Variants in MSN observed in about 807,000 individuals in gnomAD.
MSN encodes epididymis luminal protein 70.
In MSN, 2 loss-of-function variants were observed where a neutral mutation model predicts 48.0. The ratio of observed to expected loss-of-function variants is 0.04; its 90% confidence interval spans 0.02 to 0.13. MSN has a LOEUF of 0.13. Among genes scored for constraint, MSN ranks in the 10% least tolerant of loss-of-function variants. The pLI is 1.00. For synonymous variants in MSN, 146 were observed against 166.9 expected (o/e 0.87, Z 0.97); for missense variants, 267 against 470.1 (o/e 0.57, Z 3.99).
chrX:65,673,233 C>G (rs905209627), intron 1 of MSN, among the ~76,000 whole-genome samples: 1 of 111,648 alleles, frequency 9.0e-6, no homozygotes, highest in Non-Finnish European at 1.9e-5. Context: ...TGCCATTCTT[C>G]CCACATTTTT....
chrX:65,625,607 T>C (rs1269658670), intron 1 of MSN: 5 of 112,209 alleles, frequency 4.5e-5, no homozygotes, highest in South Asian at 3.6e-4. Context: ...ACTATTTGCA[T>C]GGAATGCTTT....
intron 1 of MSN, among the ~76,000 whole-genome samples, chrX:65,673,200 A>C (rs1455100472): frequency 1.8e-5 from 2 of 111,800 alleles, no homozygotes; most frequent in Admixed American, 9.5e-5. Context: ...TTGGACAAAC[A>C]CTAAAAGCCT....
chrX:65,656,473 G>A (rs1287084929), intron 1 of MSN, among the ~76,000 whole-genome samples: 2 of 111,548 alleles, frequency 1.8e-5, no homozygotes, highest in Non-Finnish European at 3.8e-5. Context: ...CTGGAAATGA[G>A]CAGATCCCTC....
intron 1 of MSN, among the ~76,000 whole-genome samples, chrX:65,684,936 G>T (rs1436920812): frequency 1.8e-5 from 2 of 111,166 alleles, no homozygotes; most frequent in African/African-American, 6.6e-5. Context: ...CAGGGTACTA[G>T]CTATGTTGCC....
At chrX:65,675,930 G>A (rs1244854346) in intron 1 of MSN, among the ~76,000 whole-genome samples, 3 of 112,577 alleles carry the variant, frequency 2.7e-5, no homozygotes, top group African/African-American at 9.7e-5. Flanking sequence ...GAGCCACCAC[G>A]CCCAGCCTGG....
chrX:65,735,202 C>T, intron 7 of MSN, 65 bp from the exon 8 acceptor site: 1 of 1,148,329 alleles, frequency 8.7e-7, no homozygotes, highest in South Asian at 1.9e-5. Context: ...TTTAGCTTTT[C>T]AGAAGGCAGA....
At chrX:65,661,966 A>G (rs1200089338) in intron 1 of MSN, among the ~76,000 whole-genome samples, 2 of 112,519 alleles carry the variant, frequency 1.8e-5, no homozygotes, top group Non-Finnish European at 3.7e-5. Flanking sequence ...ATGAGCTGAG[A>G]TTGTGCCATT....
At chrX:65,680,086 G>T (rs2071039238) in intron 1 of MSN, among the ~76,000 whole-genome samples, 1 of 111,959 alleles carries the variant, frequency 8.9e-6, no homozygotes, top group Non-Finnish European at 1.9e-5. Context: ...GGATCAAAAT[G>T]GCTGTTGGTT....
At position 65,609,687 on chromosome X, in the gene MSN, T is replaced by C. The variant is rs757628145; in HGVS notation, c.-22+21075T>C. Reference sequence around the variant, plus strand: ...TAATGAGGTCAGGAGATCAAGACCATCCTGGCTAACACGGTGAAACCCCAT... The same window carrying C: ...TAATGAGGTCAGGAGATCAAGACCACCCTGGCTAACACGGTGAAACCCCAT... On this transcript the variant is annotated intron_variant, in intron 1 of 3. Coordinates refer to the MSN transcript ENST00000609672. 4.0e-4 allele frequency among the ~76,000 whole-genome samples: 45 copies of C among 111,463 alleles called. 1 individual carries two copies. Among genetic ancestry groups the C allele is most frequent in the Non-Finnish European group, 6.4e-4 (34 of 53,025 alleles).
At chrX:65,670,130 T>A (rs2070916247) in intron 1 of MSN, among the ~76,000 whole-genome samples, 1 of 112,072 alleles carries the variant, frequency 8.9e-6, no homozygotes, top group Non-Finnish European at 1.9e-5. Context: ...TTCGGTAGTG[T>A]CACCAGGTGC....
At position 65,618,936 on chromosome X, in the gene MSN, A is replaced by G. The variant is rs201493320; in HGVS notation, c.-22+30324A>G. 7.3e-4 allele frequency among the ~76,000 whole-genome samples: 79 copies of G among 108,085 alleles called. 1 individual carries two copies. Among genetic ancestry groups the G allele is most frequent in the African/African-American group, 2.4e-3 (70 of 29,659 alleles). The allele number at this position is 108,085 out of a possible 115,157, so 93.9% of individuals were successfully genotyped here. A position where few individuals can be genotyped will look rare whatever the true frequency, so the allele number is the denominator to read the frequency against. On this transcript the variant is annotated intron_variant, in intron 1 of 3. Transcript: ENST00000609672. ...AAAATCTCTCAGCATTTGCTTGTCT[A>G]TAAAGTATTTTATTTCTCCTTCACT...
At position 65,720,734 on chromosome X, in the gene MSN, G is replaced by C. The variant is rs1047683871; in HGVS notation, c.96+3833G>C. Among the ~76,000 whole-genome samples, 3 of 112,021 alleles carry C rather than the reference G, an allele frequency of 2.7e-5. No individual in the cohort carries two copies. In the Admixed American group the frequency reaches 2.8e-4, roughly 11 times the overall value. On this transcript the variant is annotated intron_variant, in intron 2 of 12. Transcript: ENST00000360270. ...TTTATGGCCATCCTGGAACGCAGCA[G>C]TCATCTGGCCAATGACCAGAGAGGA... is the stretch of plus-strand genomic sequence containing the variant.
chrX:65,708,004 T>A, intron 1 of MSN, among the ~76,000 whole-genome samples: 1 of 111,607 alleles, frequency 9.0e-6, no homozygotes, highest in Non-Finnish European at 1.9e-5. Context: ...AAAATTTTTA[T>A]TATTTTTTAA....
intron 1 of MSN, among the ~76,000 whole-genome samples, chrX:65,591,608 A>T (rs1419943752): frequency 8.9e-6 from 1 of 111,771 alleles, no homozygotes; most frequent in South Asian, 3.7e-4. Context: ...GATCATGGCA[A>T]TTCCTGCTAG....
intron 1 of MSN, among the ~76,000 whole-genome samples, chrX:65,713,492 G>A (rs1434950814): frequency 8.9e-6 from 1 of 111,871 alleles, no homozygotes; most frequent in Non-Finnish European, 1.9e-5. Context: ...AGTTTAATTG[G>A]CTGCCCTCCA....
At chrX:65,689,496 A>C (rs1309981991) in intron 1 of MSN, among the ~76,000 whole-genome samples, 1 of 111,168 alleles carries the variant, frequency 9.0e-6, no homozygotes, top group Non-Finnish European at 1.9e-5. Flanking sequence ...TTCATAGAGA[A>C]CCCACCAGAA....
At chrX:65,694,081 A>C (rs1287985979) in intron 1 of MSN, among the ~76,000 whole-genome samples, 2 of 110,401 alleles carry the variant, frequency 1.8e-5, no homozygotes, top group Non-Finnish European at 3.8e-5. Context: ...AAAACAAAAA[A>C]AAAAAACAAA....
At chrX:65,642,868 G>A (rs1276592349) in intron 1 of MSN, among the ~76,000 whole-genome samples, 1 of 110,526 alleles carries the variant, frequency 9.0e-6, no homozygotes, top group East Asian at 2.9e-4. Context: ...CAAGGGCAGG[G>A]GCCTCAGGGA....
At chrX:65,682,581 G>A (rs1382459009) in intron 1 of MSN, among the ~76,000 whole-genome samples, 2 of 111,666 alleles carry the variant, frequency 1.8e-5, no homozygotes, top group Non-Finnish European at 3.8e-5. Flanking sequence ...GGTATTGAAG[G>A]CAAGACTCTC....
Sources: gnomAD v4.1 joint callset for allele counts (sites outside exome capture counted in the v4.1 genomes callset) on GRCh38, gnomAD v4.1.1 for gene constraint, MANE v1.5 for transcripts, NCBI Gene and HGNC (gene_info 2026-07-23, HGNC 2026-07-21) for gene names.